Variants in CFAP95 observed in about 807,000 individuals in gnomAD.
CFAP95 encodes the protein cilia and flagella associated protein 95, also known as cilia- and flagella-associated protein 95.
chr9:69,871,920 A>G, the CFAP95 span, among the ~76,000 whole-genome samples: 495 of 152,312 alleles, frequency 3.2e-3, 5 homozygotes, highest in African/African-American at 0.011. Flanking sequence ...TAATATCATT[A>G]CAGTATAGTT....
chr9:69,871,969 C>T, the CFAP95 span, among the ~76,000 whole-genome samples: 6 of 152,158 alleles, frequency 3.9e-5, no homozygotes, highest in Non-Finnish European at 7.3e-5. Flanking sequence ...ATGTGTCTGG[C>T]ACTGAGATAA....
the CFAP95 span, among the ~76,000 whole-genome samples, chr9:69,885,602 T>C: frequency 2.0e-5 from 3 of 152,304 alleles, no homozygotes; most frequent in Non-Finnish European, 4.4e-5. Flanking sequence ...GTTTCCCTTT[T>C]GGGCTTGGCT....
the CFAP95 span, among the ~76,000 whole-genome samples, chr9:69,830,430 A>G: frequency 5.3e-5 from 8 of 152,158 alleles, no homozygotes; most frequent in Non-Finnish European, 1.2e-4. Context: ...TTTCACAGCA[A>G]AAGTCTAGAA....
At chr9:69,825,094 C>T in the CFAP95 span, among the ~76,000 whole-genome samples, 1 of 152,026 alleles carries the variant, frequency 6.6e-6, no homozygotes, top group African/African-American at 2.4e-5. Context: ...TAATTGTTAG[C>T]TTTCTATTGA....
At chr9:69,897,367 C>T in the CFAP95 span, among the ~76,000 whole-genome samples, 1 of 152,164 alleles carries the variant, frequency 6.6e-6, no homozygotes, top group African/African-American at 2.4e-5. Context: ...TTAGTTTGCA[C>T]TGACTAATTT....
the CFAP95 span, among the ~76,000 whole-genome samples, chr9:69,874,773 G>C: frequency 2.0e-5 from 3 of 152,276 alleles, no homozygotes. Context: ...GATCAGACTG[G>C]TATTTGGACC....
At chr9:69,891,345 C>T in the CFAP95 span, among the ~76,000 whole-genome samples, 26 of 152,234 alleles carry the variant, frequency 1.7e-4, no homozygotes, top group African/African-American at 5.3e-4. Context: ...TCAAGTCCCC[C>T]GGGACCCTGG....
At chr9:69,859,674 T>C in the CFAP95 span, among the ~76,000 whole-genome samples, 2 of 152,212 alleles carry the variant, frequency 1.3e-5, no homozygotes, top group Non-Finnish European at 1.5e-5. Context: ...AGTACAGTCA[T>C]GCATCGCATA....
the CFAP95 span, chr9:69,856,501 T>G: frequency 1.2e-3 from 1,262 of 1,013,640 alleles, 3 homozygotes; most frequent in South Asian, 1.5e-3. Context: ...TTTTAGTAAC[T>G]GACCATTTGT....
chr9:69,835,378 T>G, the CFAP95 span, among the ~76,000 whole-genome samples: 2 of 152,216 alleles, frequency 1.3e-5, no homozygotes, highest in African/African-American at 4.8e-5. Flanking sequence ...TTGCTCAGAT[T>G]CAAACCCCTT....
At chr9:69,885,825 G>C in the CFAP95 span, among the ~76,000 whole-genome samples, 3 of 152,170 alleles carry the variant, frequency 2.0e-5, no homozygotes, top group Non-Finnish European at 4.4e-5. Context: ...CAGAGCTCCT[G>C]AGCTCAGGGA....
the CFAP95 span, among the ~76,000 whole-genome samples, chr9:69,844,900 T>C: frequency 6.6e-6 from 1 of 152,226 alleles, no homozygotes; most frequent in South Asian, 2.1e-4. Context: ...GTTGCTATGA[T>C]GCTGTTGTCA....
the CFAP95 span, among the ~76,000 whole-genome samples, chr9:69,859,876 C>T: frequency 6.6e-6 from 1 of 152,088 alleles, no homozygotes; most frequent in Admixed American, 6.6e-5. Context: ...AATTATAACA[C>T]AGTGTTAAGT....
At chr9:69,830,025 TG>T in the CFAP95 span, among the ~76,000 whole-genome samples, 1 of 152,182 alleles carries the variant, frequency 6.6e-6, no homozygotes, top group South Asian at 2.1e-4. Context: ...AGCGGTAAGC[TG>T]GGCCTTAGGA....
chr9:69,837,842 T>C, the CFAP95 span, among the ~76,000 whole-genome samples: 1 of 152,220 alleles, frequency 6.6e-6, no homozygotes, highest in Non-Finnish European at 1.5e-5. Context: ...CTAGGTTTTC[T>C]TCTAGGGTTT....
At chr9:69,838,612 T>C in the CFAP95 span, among the ~76,000 whole-genome samples, 14 of 151,992 alleles carry the variant, frequency 9.2e-5, no homozygotes, top group African/African-American at 3.4e-4. Flanking sequence ...AAGTTGCTTA[T>C]CAGCTTAAGG....
chr9:69,842,257 G>A, the CFAP95 span, among the ~76,000 whole-genome samples: 1 of 152,168 alleles, frequency 6.6e-6, no homozygotes, highest in Non-Finnish European at 1.5e-5. Flanking sequence ...GGAGGATGGA[G>A]ACCTGCATGG....
the CFAP95 span, among the ~76,000 whole-genome samples, chr9:69,860,036 G>A: frequency 6.6e-6 from 1 of 152,206 alleles, no homozygotes; most frequent in Non-Finnish European, 1.5e-5. Flanking sequence ...AGTGAGCAGA[G>A]AGTCTATGAA....
At chr9:69,887,039 G>T in the CFAP95 span, 2 of 614,948 alleles carry the variant, frequency 3.3e-6, no homozygotes, top group Non-Finnish European at 5.6e-6. Flanking sequence ...GCTGTTTATT[G>T]GAATCATGAC....
Sources: gnomAD v4.1 joint callset for allele counts (sites outside exome capture counted in the v4.1 genomes callset) on GRCh38, gnomAD v4.1.1 for gene constraint, MANE v1.5 for transcripts, NCBI Gene and HGNC (gene_info 2026-07-23, HGNC 2026-07-21) for gene names.